The following DOCK9 variants were observed in gnomAD, a reference collection of about 807,000 sequenced individuals.
DOCK9 encodes the protein dedicator of cytokinesis 9, also known as dedicator of cytokinesis protein 9.
In DOCK9, 89 loss-of-function variants were observed where a neutral mutation model predicts 263.3. The ratio of observed to expected loss-of-function variants is 0.34; its 90% CI spans 0.28 to 0.40. DOCK9 has a LOEUF of 0.40. DOCK9 is among the 10% of genes least tolerant of loss of function. DOCK9 has a pLI of 1.00. For missense variants in DOCK9, 2,140 were observed against 2,603.4 expected (o/e 0.82, Z 3.87); for synonymous variants, 976 against 973.1 (o/e 1.00, Z -0.06).
At chr13:98,977,739 C>T (rs1322918104) in intron 1 of DOCK9, 45 bp downstream of exon 1, 11 of 1,595,476 alleles carry the variant, frequency 6.9e-6, no homozygotes, top group Non-Finnish European at 9.4e-6. Flanking sequence ...AATAAGAACC[C>T]AGCATTGGGT....
intron 1 of DOCK9, among the ~76,000 whole-genome samples, chr13:99,055,881 T>C (rs2040895830): frequency 6.6e-6 from 1 of 151,904 alleles, no homozygotes; most frequent in Non-Finnish European, 1.5e-5. Flanking sequence ...CTGAGGCCTA[T>C]GATAAATTCC....
rs377686480 is a variant in DOCK9 at position 99,002,451 on chromosome 13, C to T, written c.130-46900G>A. ...CCCTTCAGGGGCAACGTCCTCCCCA[C>T]CCACATCCACATTCTAACCTCCTAG... is the stretch of plus-strand genomic sequence containing the variant. On this transcript the variant is annotated intron_variant, in intron 1 of 32. Transcript: ENST00000427887. Among the ~76,000 whole-genome samples, 4 of 152,344 alleles carry T rather than the reference C, an allele frequency of 2.6e-5. 1 individual carries two copies. The highest frequency in any genetic ancestry group is 9.6e-5 in the African/African-American group (4 of 41,590).
intron 11 of DOCK9, 35 bp from the exon 12 acceptor site, chr13:98,902,526 G>A: frequency 1.3e-6 from 2 of 1,586,842 alleles, no homozygotes; most frequent in East Asian, 2.2e-5. Flanking sequence ...GATCACCATG[G>A]CTCAAACAGG....
chr13:98,942,517 C>A (rs1227556323), intron 2 of DOCK9, among the ~76,000 whole-genome samples: 1 of 152,134 alleles, frequency 6.6e-6, no homozygotes, highest in East Asian at 1.9e-4. Flanking sequence ...GGATTACAGG[C>A]GTGAGCCACC....
chr13:98,929,530 G>A (rs967244475), intron 3 of DOCK9, among the ~76,000 whole-genome samples: 2 of 151,876 alleles, frequency 1.3e-5, no homozygotes, highest in African/African-American at 2.4e-5. Flanking sequence ...AGACAACAGA[G>A]CAAGACTCTG....
chr13:98,950,167 CT>C, intron 2 of DOCK9: 1 of 759,076 alleles, frequency 1.3e-6, no homozygotes, highest in Non-Finnish European at 2.1e-6. Context: ...ACCATTAATT[CT>C]TTGGATGCGT....
intron 1 of DOCK9, among the ~76,000 whole-genome samples, chr13:99,038,238 A>T (rs1170389367): frequency 6.8e-6 from 1 of 146,370 alleles, no homozygotes; most frequent in African/African-American, 2.5e-5. Context: ...CCTAGTCTTT[A>T]TAATTAACCG....
At chr13:98,968,921 C>A (rs1230015937) in intron 1 of DOCK9, among the ~76,000 whole-genome samples, 5 of 152,198 alleles carry the variant, frequency 3.3e-5, no homozygotes, top group Non-Finnish European at 5.9e-5. Context: ...ATCTTCTCTG[C>A]CTGTATCTTG....
At position 98,904,631 on chromosome 13, in the gene DOCK9, C is replaced by A; in HGVS notation, c.1035+1G>T. 1 of 1,552,844 alleles carries A rather than the reference C, an allele frequency of 6.4e-7. No individual in the cohort carries two copies. Among genetic ancestry groups the A allele is most frequent in the Non-Finnish European group, 8.7e-7 (1 of 1,146,556 alleles). ...ATATTAAACATTTAGATAGTTCTTA[C>A]CTGGGCATCTGGGTCCAAATAAAAA... On this transcript the variant is annotated splice_donor_variant, in intron 10 of 52. Coordinates refer to ENST00000682017, the MANE Select transcript of DOCK9 (RefSeq NM_001366683.2). LOFTEE classifies it high-confidence loss of function.
Position 98,888,191 on chromosome 13 carries a change from T to A in DOCK9, c.2010A>T (p.Lys670Asn). 1 of 1,609,806 alleles carries A rather than the reference T, an allele frequency of 6.2e-7. No individual in the cohort carries two copies. Among genetic ancestry groups the A allele is most frequent in the Non-Finnish European group, 8.5e-7 (1 of 1,177,878 alleles). The change falls in exon 18 of 53, where the codon AAA becomes AAT. Residue 670 changes from lysine (K) to asparagine (N), a missense_variant. Transcript: ENST00000682017. ...GCTGAGAGTCTTCCTCATCTGAATC[T>A]TTGAATTCAATGCAAATCGCAATAT... ...ARNIAICIEFKDSDEEDSQPL... is the reference protein window; with the variant it reads ...ARNIAICIEFNDSDEEDSQPL...
At position 99,031,799 on chromosome 13, in the gene DOCK9, A is replaced by G. The variant is rs141030622; in HGVS notation, c.129+54424T>C. On this transcript the variant is annotated intron_variant, in intron 1 of 32. Coordinates refer to the DOCK9 transcript ENST00000427887. ...TTCATGTTCCACCTTCTTCCATGGAAGATGAGGAATTATTCCTAATGTTCC... is the reference window on the plus strand; with the variant it reads ...TTCATGTTCCACCTTCTTCCATGGAGGATGAGGAATTATTCCTAATGTTCC... Among the ~76,000 whole-genome samples the G allele has an allele frequency of 4.0e-3, 612 of 152,362 alleles. 6 individuals are homozygous for G. The highest frequency in any genetic ancestry group is 0.027 in the Middle Eastern group (8 of 294).
chr13:99,051,046 C>T (rs189456165), intron 1 of DOCK9, among the ~76,000 whole-genome samples: 18 of 152,324 alleles, frequency 1.2e-4, no homozygotes, highest in African/African-American at 4.3e-4. Flanking sequence ...CTTCCCAGCC[C>T]GCCTCTGCGA....
chr13:98,961,460 T>C lies in DOCK9; in HGVS notation c.127-5909A>G, dbSNP rs79197975. On this transcript the variant is annotated intron_variant, in intron 1 of 52. Coordinates refer to ENST00000682017, the MANE Select transcript of DOCK9 (RefSeq NM_001366683.2). ...TGACGGTCTACAAAGAACGCAAATG[T>C]GGCAATGCAGCAAAAAAGTTAAAGC... Among the ~76,000 whole-genome samples the C allele has an allele frequency of 9.2e-4, 140 of 152,276 alleles. No homozygotes were observed. In the East Asian group the frequency reaches 0.011, roughly 12 times the overall value.
At chr13:98,933,787 C>A (rs2054339693) in intron 2 of DOCK9, among the ~76,000 whole-genome samples, 1 of 152,246 alleles carries the variant, frequency 6.6e-6, no homozygotes, top group Admixed American at 6.5e-5. Context: ...CAGCCTGTCT[C>A]CCCTCTCCCT....
At chr13:98,860,557 T>G in intron 32 of DOCK9, 35 bp from the exon 33 acceptor site, 1 of 1,525,274 alleles carries the variant, frequency 6.6e-7, no homozygotes. Context: ...CAATCAAAGA[T>G]GACTGGAAAG....
At chr13:98,942,412 G>A (rs2056089129) in intron 2 of DOCK9, among the ~76,000 whole-genome samples, 1 of 151,858 alleles carries the variant, frequency 6.6e-6, no homozygotes, top group African/African-American at 2.4e-5. Context: ...CTAATTTTTT[G>A]TATTTTAAGT....
chr13:99,015,769 C>A, intron 1 of DOCK9: 2 of 1,316,132 alleles, frequency 1.5e-6, no homozygotes, highest in South Asian at 4.8e-5. Flanking sequence ...CTAGAATCCG[C>A]TCCTGCTCAA....
chr13:99,025,047 C>A (rs538691931), intron 1 of DOCK9, among the ~76,000 whole-genome samples: 1 of 152,328 alleles, frequency 6.6e-6, no homozygotes, highest in South Asian at 2.1e-4. Flanking sequence ...CTTTTATATA[C>A]AGCCAGTTGG....
upstream of DOCK9, among the ~76,000 whole-genome samples, chr13:98,979,160 T>TAGCAGC (rs1876221709): frequency 6.8e-6 from 1 of 147,864 alleles, no homozygotes; most frequent in South Asian, 2.1e-4. Flanking sequence ...GCAGTAGCAG[T>TAGCAGC]AACAGCAGTA....
Sources: gnomAD v4.1 joint callset for allele counts (sites outside exome capture counted in the v4.1 genomes callset) on GRCh38, gnomAD v4.1.1 for gene constraint, MANE v1.5 for transcripts, NCBI Gene and HGNC (gene_info 2026-07-23, HGNC 2026-07-21) for gene names.